DPP10: variants seen among roughly 807,000 people sequenced by gnomAD.
DPP10 encodes dipeptidyl peptidase like 10.
Under a neutral mutation model 120.9 loss-of-function variants are expected in DPP10, and 33 were observed. The observed-to-expected ratio is 0.27, with a 90% CI of 0.21 to 0.37. The LOEUF is 0.37. Ranked by LOEUF, DPP10 falls within the 10% of genes least tolerant of loss-of-function variation. The pLI is 1.00. For synonymous variants in DPP10, 337 were observed against 326.1 expected (o/e 1.03, Z -0.36); for missense variants, 816 against 942.8 (o/e 0.87, Z 1.76).
chr2:115,180,119 A>C (rs1241189586), intron 1 of DPP10, among the ~76,000 whole-genome samples: 1 of 152,190 alleles, frequency 6.6e-6, no homozygotes, highest in Non-Finnish European at 1.5e-5. Flanking sequence ...CTAGGAAGTC[A>C]AGCTGCTGAA....
chr2:115,028,511 G>C (rs1302364382), intron 1 of DPP10, among the ~76,000 whole-genome samples: 1 of 151,926 alleles, frequency 6.6e-6, no homozygotes, highest in Non-Finnish European at 1.5e-5. Context: ...CCTGATACAT[G>C]GTCTATCCTG....
chr2:115,503,499 A>T (rs1188966759), intron 4 of DPP10, among the ~76,000 whole-genome samples: 4 of 152,160 alleles, frequency 2.6e-5, no homozygotes, highest in Non-Finnish European at 4.4e-5. Context: ...TTACTGAACA[A>T]AGGCACCGAC....
chr2:114,672,056 A>G (rs1389174847), intron 1 of DPP10, among the ~76,000 whole-genome samples: 2 of 152,122 alleles, frequency 1.3e-5, no homozygotes, highest in Non-Finnish European at 2.9e-5. Flanking sequence ...TCATGGTGCT[A>G]TTATGATTTT....
intron 1 of DPP10, among the ~76,000 whole-genome samples, chr2:114,513,391 G>C (rs1573535453): frequency 6.6e-6 from 1 of 151,532 alleles, no homozygotes. Flanking sequence ...TGTGGTGGTG[G>C]GCACCTGTAA....
At chr2:115,686,471 C>T (rs1239713592) in intron 5 of DPP10, among the ~76,000 whole-genome samples, 1 of 151,994 alleles carries the variant, frequency 6.6e-6, no homozygotes, top group Non-Finnish European at 1.5e-5. Flanking sequence ...TGTATTTCTC[C>T]TAGGAGCAAT....
chr2:114,456,263 C>T (rs898405122), intron 1 of DPP10, among the ~76,000 whole-genome samples: 15 of 152,136 alleles, frequency 9.9e-5, no homozygotes, highest in African/African-American at 2.9e-4. Context: ...GGACATAACA[C>T]CATAAACTAA....
intron 1 of DPP10, chr2:115,144,797 C>T (rs1374524043): frequency 6.6e-6 from 1 of 151,470 alleles, no homozygotes; most frequent in Non-Finnish European, 1.5e-5. Context: ...CACATGTACC[C>T]TAAAACTTAA....
intron 1 of DPP10, among the ~76,000 whole-genome samples, chr2:115,012,315 GCGCACAGGA>G (rs978733743): frequency 1.9e-4 from 29 of 152,222 alleles, no homozygotes; most frequent in African/African-American, 7.0e-4. Context: ...TTTGCATCCT[GCGCACAGGA>G]CCACAGATAA....
intron 5 of DPP10, among the ~76,000 whole-genome samples, chr2:115,565,454 A>T (rs1490103478): frequency 6.6e-6 from 1 of 152,160 alleles, no homozygotes; most frequent in African/African-American, 2.4e-5. Context: ...ATACATTGAT[A>T]AAAAAGAAAA....
intron 3 of DPP10, among the ~76,000 whole-genome samples, chr2:115,392,629 C>T (rs1276472227): frequency 1.3e-5 from 2 of 151,944 alleles, no homozygotes; most frequent in East Asian, 3.9e-4. Flanking sequence ...ATATTGGATT[C>T]AGGACAGATG....
At chr2:115,833,258 T>G (rs1689113528) in intron 21 of DPP10, among the ~76,000 whole-genome samples, 3 of 152,230 alleles carry the variant, frequency 2.0e-5, no homozygotes, top group Non-Finnish European at 4.4e-5. Context: ...GTTTTCAGGT[T>G]ATATAAACAA....
intron 1 of DPP10, among the ~76,000 whole-genome samples, chr2:115,153,448 A>T (rs1393649537): frequency 6.6e-6 from 1 of 152,194 alleles, no homozygotes; most frequent in Non-Finnish European, 1.5e-5. Flanking sequence ...TTTTGGAATT[A>T]TCACAACTGT....
At chr2:114,855,167 C>T (rs1689275276) in intron 1 of DPP10, among the ~76,000 whole-genome samples, 1 of 152,060 alleles carries the variant, frequency 6.6e-6, no homozygotes, top group Non-Finnish European at 1.5e-5. Context: ...GAAGGGAATA[C>T]AAAGAAACGA....
intron 1 of DPP10, among the ~76,000 whole-genome samples, chr2:114,921,501 A>G (rs772130104): frequency 2.6e-5 from 4 of 152,212 alleles, no homozygotes; most frequent in Non-Finnish European, 5.9e-5. Context: ...ATACATTCAT[A>G]TTATTTCATC....
chr2:115,659,076 G>A (rs2088666729), intron 5 of DPP10, among the ~76,000 whole-genome samples: 1 of 152,132 alleles, frequency 6.6e-6, no homozygotes, highest in South Asian at 2.1e-4. Flanking sequence ...TAGTTATCAT[G>A]AGAGCAGATT....
chr2:115,701,921 G>A (rs757263061), intron 7 of DPP10, among the ~76,000 whole-genome samples: 13 of 150,152 alleles, frequency 8.7e-5, no homozygotes, highest in Non-Finnish European at 1.3e-4. Flanking sequence ...AACCATTTTC[G>A]GTAGGTAAAC....
intron 1 of DPP10, among the ~76,000 whole-genome samples, chr2:114,793,896 T>C (rs1451309836): frequency 6.6e-6 from 1 of 152,180 alleles, no homozygotes; most frequent in Non-Finnish European, 1.5e-5. Context: ...AGTGGGTATA[T>C]TTCATCTTCC....
chr2:115,615,818 C>T (rs1040591487), intron 5 of DPP10, among the ~76,000 whole-genome samples: 1 of 151,808 alleles, frequency 6.6e-6, no homozygotes, highest in Non-Finnish European at 1.5e-5. Flanking sequence ...CAGAGGGAAC[C>T]TAAATGGAGA....
At chr2:115,062,656 C>T (rs1049207344) in intron 1 of DPP10, among the ~76,000 whole-genome samples, 4 of 152,154 alleles carry the variant, frequency 2.6e-5, no homozygotes, top group Non-Finnish European at 4.4e-5. Flanking sequence ...TTTTCTGTTC[C>T]TGTGCTAGTT....
Sources: allele counts gnomAD v4.1 joint callset (sites outside exome capture counted in the v4.1 genomes callset), GRCh38; gene constraint gnomAD v4.1.1; transcripts MANE v1.5; gene names NCBI Gene and HGNC (gene_info 2026-07-23, HGNC 2026-07-21).